Variants in CCDC60 observed in about 807,000 individuals in gnomAD.
CCDC60 encodes the protein coiled-coil domain-containing protein 60.
A neutral mutation model predicts 63.5 loss-of-function variants in CCDC60; 54 were observed. The ratio of observed to expected loss-of-function variants is 0.85; its 90% CI spans 0.68 to 1.07. The LOEUF is 1.07. Among genes scored for constraint, CCDC60 ranks in the 50% least tolerant of loss-of-function variants. The pLI is 0.00. For synonymous variants in CCDC60, 206 were observed against 238.8 expected (o/e 0.86, Z 1.27); for missense variants, 651 against 684.3 (o/e 0.95, Z 0.54).
At chr12:119,498,841 C>T (rs1002659198) in intron 5 of CCDC60, among the ~76,000 whole-genome samples, 2 of 152,180 alleles carry the variant, frequency 1.3e-5, no homozygotes, top group African/African-American at 4.8e-5. Flanking sequence ...TGAGAGATCA[C>T]ACGTTGAGAC....
rs768915086 is a variant in CCDC60, at chr12:119,505,313, A to G, written c.883+10A>G. The G allele has an allele frequency of 1.3e-6, 2 of 1,572,428 alleles. No homozygotes were observed. The highest frequency in any genetic ancestry group is 2.2e-5 in the East Asian group (1 of 44,704). ...GAACCTCTGTATATGAGTAAGTCCT[A>G]CCTGAGATCTGACTCATCTACCCTG... On this transcript the variant is annotated intron_variant, in intron 7 of 13. Transcript: ENST00000327554.
intron 13 of CCDC60, among the ~76,000 whole-genome samples, chr12:119,540,251 A>G (rs1171378913): frequency 6.6e-6 from 1 of 152,238 alleles, no homozygotes; most frequent in African/African-American, 2.4e-5. Flanking sequence ...GCTGTCATCA[A>G]TTCTGAAACG....
At chr12:119,350,929 CA>C (rs1955650316) in intron 1 of CCDC60, among the ~76,000 whole-genome samples, 1 of 152,200 alleles carries the variant, frequency 6.6e-6, no homozygotes, top group African/African-American at 2.4e-5. Flanking sequence ...TGAAGACAAG[CA>C]CCACTTCCTG....
chr12:119,466,797 C>T (rs190139785), intron 2 of CCDC60, among the ~76,000 whole-genome samples: 79 of 152,334 alleles, frequency 5.2e-4, no homozygotes, highest in African/African-American at 1.9e-3. Context: ...TAACCCATTT[C>T]ATATTCTCTT....
chr12:119,380,479 T>C (rs1955997085), intron 1 of CCDC60, among the ~76,000 whole-genome samples: 1 of 152,174 alleles, frequency 6.6e-6, no homozygotes, highest in South Asian at 2.1e-4. Flanking sequence ...CGTCGTAATA[T>C]CTCAGAGTTG....
At chr12:119,377,254 C>CAAAAAAA (rs60100165) in intron 1 of CCDC60, among the ~76,000 whole-genome samples, 128 of 47,264 alleles carry the variant, frequency 2.7e-3, no homozygotes, top group Non-Finnish European at 3.5e-3. Flanking sequence ...CACTCCATCT[C>CAAAAAAA]AAAAAAAAAA....
intron 1 of CCDC60, among the ~76,000 whole-genome samples, chr12:119,428,081 A>G (rs1956931464): frequency 6.6e-6 from 1 of 152,202 alleles, no homozygotes; most frequent in Admixed American, 6.5e-5. Context: ...CTAGGTATAG[A>G]CAAGGCAAAT....
At chr12:119,536,855 A>G (rs982618278) in intron 13 of CCDC60, among the ~76,000 whole-genome samples, 1 of 151,882 alleles carries the variant, frequency 6.6e-6, no homozygotes, top group African/African-American at 2.4e-5. Context: ...TTTTTCCTTC[A>G]TTTCAACCTT....
At chr12:119,440,824 C>T (rs527403157) in intron 2 of CCDC60, among the ~76,000 whole-genome samples, 6 of 152,250 alleles carry the variant, frequency 3.9e-5, no homozygotes, top group African/African-American at 9.6e-5. Context: ...TGAGACACAG[C>T]GATGAAAAAG....
Position 119,384,053 on chromosome 12 carries a change from G to A in CCDC60, c.91-44630G>A, listed in dbSNP as rs141269342. Reference sequence around the variant, plus strand: ...CTATTAAAAATACAAAAAATTAGCCGGGCGTGGTGGCGGGCGCCTATAGTT... The same window carrying A: ...CTATTAAAAATACAAAAAATTAGCCAGGCGTGGTGGCGGGCGCCTATAGTT... On this transcript the variant is annotated intron_variant, in intron 1 of 13. Coordinates refer to ENST00000327554, the MANE Select transcript of CCDC60 (RefSeq NM_178499.5). 9.0e-3 allele frequency among the ~76,000 whole-genome samples: 1,371 copies of A among 152,168 alleles called. 73 individuals carry two copies. In the East Asian group the frequency reaches 0.14, roughly 15 times the overall value.
intron 1 of CCDC60, among the ~76,000 whole-genome samples, chr12:119,392,677 C>G (rs574181617): frequency 2.6e-5 from 4 of 152,328 alleles, no homozygotes; most frequent in South Asian, 4.1e-4. Flanking sequence ...ATGAATGAAT[C>G]AATCAATCAG....
intron 6 of CCDC60, among the ~76,000 whole-genome samples, chr12:119,504,305 C>T (rs1951933621): frequency 6.6e-6 from 1 of 152,094 alleles, no homozygotes; most frequent in African/African-American, 2.4e-5. Flanking sequence ...TCTGAAGTGA[C>T]ACCAATCTCA....
Position 119,507,579 on chromosome 12 carries a change from CACATATATATACATATATAT to C in CCDC60, c.883+2278_883+2297del, listed in dbSNP as rs1566050511. On this transcript the variant is annotated intron_variant, in intron 7 of 13. Transcript: ENST00000327554. ...ATATATATATATATATGTATATATA[CACATATATATACATATATAT>C]ATATATATATATATATTTTTTTTTT... Among the ~76,000 whole-genome samples the C allele has an allele frequency of 9.3e-3, 286 of 30,850 alleles. 12 individuals are homozygous for C. The highest frequency in any genetic ancestry group is 0.089 in the East Asian group (47 of 526). The allele number at this position is 30,850 out of a possible 152,430, so 20.2% of individuals were successfully genotyped here.
intron 2 of CCDC60, among the ~76,000 whole-genome samples, chr12:119,434,985 G>A (rs1270114128): frequency 6.6e-6 from 1 of 152,222 alleles, no homozygotes; most frequent in Non-Finnish European, 1.5e-5. Context: ...TAGAGGCTAT[G>A]GTGAAAGATG....
rs550266735 is a variant in CCDC60, at chr12:119,460,957, G to T, written c.171-11037G>T. On this transcript the variant is annotated intron_variant, in intron 2 of 13. Transcript: ENST00000327554. ...TGAAATCTGCAAAACAAACAGCCCA[G>T]AGGTACATAAACTCAAAGCCTTAAA... 3.3e-5 allele frequency among the ~76,000 whole-genome samples: 5 copies of T among 152,246 alleles called. No homozygotes were observed. In the East Asian group the frequency reaches 9.6e-4, roughly 29 times the overall value.
rs201179144 is a variant in CCDC60 at position 119,528,706 on chromosome 12, T to C, written c.1321T>C (p.Ser441Pro). Residue 441 changes from serine to proline, a missense_variant, in exon 12 of 14, where the codon TCT becomes CCT. By Grantham distance (74) the Ser-to-Pro change is moderately conservative. Transcript: ENST00000327554. The part of the protein sequence containing the change: ...KDIAKMRHHI[S>P]VVKGDAEEIA... ...CATAGCAAAAATGAGACATCACATA[T>C]CTGTAGTAAAAGGAGATGCAGAAGA... 1 of 1,614,018 alleles carries C rather than the reference T, an allele frequency of 6.2e-7. No homozygotes were observed. The highest frequency in any genetic ancestry group is 2.2e-5 in the East Asian group (1 of 44,870).
chr12:119,363,643 C>G (rs1239787429), intron 1 of CCDC60, among the ~76,000 whole-genome samples: 1 of 152,164 alleles, frequency 6.6e-6, no homozygotes, highest in Admixed American at 6.5e-5. Context: ...TACATTTGCT[C>G]CATCTGGTCT....
chr12:119,394,101 C>G (rs2136203926), intron 1 of CCDC60, among the ~76,000 whole-genome samples: 1 of 152,296 alleles, frequency 6.6e-6, no homozygotes, highest in East Asian at 1.9e-4. Flanking sequence ...TTACCAATAG[C>G]TTGCTACATG....
intron 2 of CCDC60, among the ~76,000 whole-genome samples, chr12:119,459,011 G>C (rs894209809): frequency 6.6e-6 from 1 of 152,184 alleles, no homozygotes; most frequent in Non-Finnish European, 1.5e-5. Context: ...GCCGCCCAAA[G>C]TGAACCAAAG....
Sources: allele counts gnomAD v4.1 joint callset (sites outside exome capture counted in the v4.1 genomes callset), GRCh38; gene constraint gnomAD v4.1.1; transcripts MANE v1.5; gene names NCBI Gene and HGNC (gene_info 2026-07-23, HGNC 2026-07-21).